CDIN1: variants seen among roughly 807,000 people sequenced by gnomAD.
CDIN1 encodes the protein CDAN1-interacting nuclease 1.
A neutral mutation model predicts 45.3 loss-of-function variants in CDIN1; 33 were observed. The observed-to-expected ratio is 0.73, with a 90% confidence interval of 0.55 to 0.97. The LOEUF is 0.97. Among genes scored for constraint, CDIN1 ranks in the 50% least tolerant of loss-of-function variants. The pLI is 0.00. For synonymous variants in CDIN1, 118 were observed against 124.4 expected (o/e 0.95, Z 0.34); for missense variants, 303 against 339.4 (o/e 0.89, Z 0.84).
At chr15:36,687,349 G>T (rs2042097109) in intron 5 of CDIN1, among the ~76,000 whole-genome samples, 1 of 151,956 alleles carries the variant, frequency 6.6e-6, no homozygotes, top group Non-Finnish European at 1.5e-5. Flanking sequence ...AAAGTTCAAA[G>T]TAAAGAAATG....
chr15:36,689,638 G>A (rs1424003299), intron 5 of CDIN1, among the ~76,000 whole-genome samples: 1 of 152,144 alleles, frequency 6.6e-6, no homozygotes, highest in Admixed American at 6.6e-5. Flanking sequence ...TGACTGGCCA[G>A]GCCTTAGAAT....
At chr15:36,657,560 T>C (rs1211326736) in intron 4 of CDIN1, among the ~76,000 whole-genome samples, 5 of 152,176 alleles carry the variant, frequency 3.3e-5, no homozygotes, top group African/African-American at 1.2e-4. Context: ...CCTATTTCAC[T>C]GTTTTAGACG....
At chr15:36,741,483 A>G (rs903321204) in intron 10 of CDIN1, among the ~76,000 whole-genome samples, 8 of 150,422 alleles carry the variant, frequency 5.3e-5, no homozygotes, top group Non-Finnish European at 1.0e-4. Context: ...TTTAGTTTAC[A>G]AAGTACTAGC....
At chr15:36,690,229 A>T (rs940533801) in intron 5 of CDIN1, among the ~76,000 whole-genome samples, 2 of 152,074 alleles carry the variant, frequency 1.3e-5, no homozygotes, top group African/African-American at 2.4e-5. Context: ...AGTGAATAAG[A>T]TGTAATTTCC....
chr15:36,763,096 T>A (rs923398205), intron 10 of CDIN1, among the ~76,000 whole-genome samples: 6 of 152,238 alleles, frequency 3.9e-5, no homozygotes, highest in Non-Finnish European at 7.3e-5. Flanking sequence ...TGAACCAGTT[T>A]ACAGTCCCAT....
At chr15:36,726,383 ATGGTG>A (rs901577511) in intron 10 of CDIN1, among the ~76,000 whole-genome samples, 1 of 152,066 alleles carries the variant, frequency 6.6e-6, no homozygotes, top group Non-Finnish European at 1.5e-5. Flanking sequence ...GACCTCTTAG[ATGGTG>A]TGCTATGAGA....
At chr15:36,660,726 C>T (rs532990478) in intron 5 of CDIN1, among the ~76,000 whole-genome samples, 1 of 152,190 alleles carries the variant, frequency 6.6e-6, no homozygotes, top group African/African-American at 2.4e-5. Context: ...TTTTAGACTA[C>T]TTTTGTGTTG....
intron 10 of CDIN1, among the ~76,000 whole-genome samples, chr15:36,795,353 C>G (rs1369284997): frequency 6.6e-6 from 1 of 152,136 alleles, no homozygotes; most frequent in African/African-American, 2.4e-5. Flanking sequence ...CCTAAATTAT[C>G]TGGATCATTA....
chr15:36,590,438 A>T (rs1024200134), intron 1 of CDIN1, among the ~76,000 whole-genome samples: 1 of 152,222 alleles, frequency 6.6e-6, no homozygotes, highest in African/African-American at 2.4e-5. Flanking sequence ...AGTAAGGTAG[A>T]TTCATATCTC....
chr15:36,592,645 G>A (rs554921620), intron 1 of CDIN1, among the ~76,000 whole-genome samples: 2 of 152,240 alleles, frequency 1.3e-5, no homozygotes, highest in East Asian at 3.9e-4. Context: ...TAGTTAGCAT[G>A]GGAGCTGGAA....
At chr15:36,638,193 A>G (rs993473772) in intron 1 of CDIN1, among the ~76,000 whole-genome samples, 1 of 152,240 alleles carries the variant, frequency 6.6e-6, no homozygotes, top group African/African-American at 2.4e-5. Flanking sequence ...TATGTTTAAC[A>G]CACAATTTTT....
intron 10 of CDIN1, chr15:36,804,511 A>C (rs2055158646): frequency 6.6e-6 from 1 of 151,904 alleles, no homozygotes; most frequent in Non-Finnish European, 1.5e-5. Context: ...ATACAAATAA[A>C]ACCTGGTCTT....
intron 7 of CDIN1, among the ~76,000 whole-genome samples, chr15:36,693,321 A>T (rs919358088): frequency 6.6e-6 from 1 of 152,170 alleles, no homozygotes; most frequent in African/African-American, 2.4e-5. Context: ...GTCTAGCTTA[A>T]ATTAGTAAAA....
At chr15:36,659,961 CTTTTCTT>C (rs2040933429) in intron 5 of CDIN1, among the ~76,000 whole-genome samples, 2 of 35,938 alleles carry the variant, frequency 5.6e-5, no homozygotes, top group Non-Finnish European at 1.0e-4. Context: ...TTTTTCCTTC[CTTTTCTT>C]TTTTTTTTTT....
rs117719799 is a variant in CDIN1 at position 36,769,374 on chromosome 15, G to C, written c.717-38950G>C. On this transcript the variant is annotated intron_variant, in intron 10 of 10. Coordinates refer to ENST00000566621, the MANE Select transcript of CDIN1 (RefSeq NM_001321759.2). ...CCTAAATCTGTAGGGCAGGCCAGCCGCCTAGAAACTCAAGCAGGATTTCTG... is the reference window on the plus strand; with the variant it reads ...CCTAAATCTGTAGGGCAGGCCAGCCCCCTAGAAACTCAAGCAGGATTTCTG... Among the ~76,000 whole-genome samples the C allele has an allele frequency of 3.9e-5, 6 of 152,198 alleles. No individual in the cohort carries two copies. The South Asian group carries it at 1.2e-3, about 32-fold the overall frequency.
At chr15:36,589,605 A>G (rs2037473714) in intron 1 of CDIN1, among the ~76,000 whole-genome samples, 2 of 151,600 alleles carry the variant, frequency 1.3e-5, no homozygotes, top group Admixed American at 1.3e-4. Context: ...TCCTGGGTTC[A>G]CGCCATTCTC....
At chr15:36,753,094 C>T (rs547771419) in intron 10 of CDIN1, among the ~76,000 whole-genome samples, 2 of 152,248 alleles carry the variant, frequency 1.3e-5, no homozygotes, top group South Asian at 2.1e-4. Context: ...GCAAGCCTTT[C>T]GCATGATTCA....
intron 3 of CDIN1, among the ~76,000 whole-genome samples, chr15:36,646,602 G>A (rs2140416627): frequency 6.6e-6 from 1 of 152,298 alleles, no homozygotes; most frequent in Middle Eastern, 3.4e-3. Context: ...ATGAAGTGCT[G>A]TGAAGCCTGC....
rs2038766080 is a variant in CDIN1, at chr15:36,613,927, C to G, written c.102-30351C>G. ...AGAATGAGCTGAGCTGGCAGAGCCC[C>G]ATTGCCGAGAGATGGATGAGCAGAT... On this transcript the variant is annotated intron_variant, in intron 1 of 10. Transcript: ENST00000566621. 1.9e-6 allele frequency: 3 copies of G among 1,555,858 alleles called. No individual in the cohort carries two copies. The African/African-American group carries it at 4.1e-5, about 21-fold the overall frequency.
Sources: allele counts gnomAD v4.1 joint callset (sites outside exome capture counted in the v4.1 genomes callset), GRCh38; gene constraint gnomAD v4.1.1; transcripts MANE v1.5; gene names NCBI Gene and HGNC (gene_info 2026-07-23, HGNC 2026-07-21).